The following DHRSX variants were observed in gnomAD, a reference collection of about 807,000 sequenced individuals.
DHRSX encodes the protein polyprenol dehydrogenase.
A neutral mutation model predicts 34.0 loss-of-function variants in DHRSX; 31 were observed. That is an observed-to-expected ratio of 0.91 (90% CI 0.69 to 1.23). The LOEUF is 1.23. DHRSX is among the 50% of genes most tolerant of loss of function. The pLI is 0.00. For missense variants in DHRSX, 414 were observed against 428.1 expected, an observed-to-expected ratio of 0.97 and a Z score of 0.29; for synonymous variants, 201 against 183.8, an observed-to-expected ratio of 1.09 and a Z score of -0.76.
At chrX:2,297,912 C>T (rs899938435) in intron 3 of DHRSX, among the ~76,000 whole-genome samples, 1 of 152,124 alleles carries the variant, frequency 6.6e-6, no homozygotes, top group South Asian at 2.1e-4. Context: ...CCCGCCACCA[C>T]GCCCGGCTTA....
At chrX:2,459,982 A>C (rs1214616753) in intron 1 of DHRSX, among the ~76,000 whole-genome samples, 1 of 151,866 alleles carries the variant, frequency 6.6e-6, no homozygotes, top group African/African-American at 2.4e-5. Flanking sequence ...GTGGCGGGCG[A>C]CTGTAATCCC....
At chrX:2,425,107 T>A (rs2043825920) in intron 2 of DHRSX, 90 bp downstream of exon 2, 5 of 992,092 alleles carry the variant, frequency 5.0e-6, no homozygotes, top group Non-Finnish European at 1.6e-6. Context: ...ACCACTGCAG[T>A]CCAGCACGGG....
At chrX:2,336,958 C>T (rs759218228) in intron 3 of DHRSX, among the ~76,000 whole-genome samples, 2 of 152,156 alleles carry the variant, frequency 1.3e-5, no homozygotes, top group South Asian at 2.1e-4. Flanking sequence ...CCCATCAACC[C>T]GTCATCTAGG....
intron 3 of DHRSX, among the ~76,000 whole-genome samples, chrX:2,395,973 C>T (rs1444505475): frequency 6.6e-6 from 1 of 152,174 alleles, no homozygotes; most frequent in Admixed American, 6.5e-5. Context: ...TCATCCTCTA[C>T]TGGCTCTGGA....
chrX:2,314,207 AGGGAGGGAAGG>A, intron 3 of DHRSX, among the ~76,000 whole-genome samples: 1 of 14,156 alleles, frequency 7.1e-5, no homozygotes, highest in African/African-American at 5.2e-4. Flanking sequence ...GAAGGAAGAG[AGGGAGGGAAGG>A]AGGGAAGGAA....
intron 3 of DHRSX, among the ~76,000 whole-genome samples, chrX:2,299,014 A>AAT (rs1191716751): frequency 0.14 from 18,460 of 130,814 alleles, 2,455 homozygotes; most frequent in Non-Finnish European, 0.18. Flanking sequence ...AAAAAAAAAA[A>AAT]TGGGAAAAAT....
intron 3 of DHRSX, among the ~76,000 whole-genome samples, chrX:2,312,580 G>A (rs1448974171): frequency 6.6e-6 from 1 of 152,128 alleles, no homozygotes; most frequent in East Asian, 1.9e-4. Flanking sequence ...TTCGGGGACT[G>A]GGGGACTAGG....
intron 3 of DHRSX, among the ~76,000 whole-genome samples, chrX:2,371,387 CAGTCCCCCCTTCTCACATTACCAT>C (rs2043062288): frequency 6.7e-6 from 1 of 149,228 alleles, no homozygotes; most frequent in South Asian, 2.1e-4. Context: ...TCCGTTACCA[CAGTCCCCCCTTCTCACATTACCAT>C]AGTCCCTCCT....
At chrX:2,371,252 C>CCCA (rs2043056716) in intron 3 of DHRSX, among the ~76,000 whole-genome samples, 1 of 146,552 alleles carries the variant, frequency 6.8e-6, no homozygotes, top group African/African-American at 2.6e-5. Context: ...ATAGTCCCTC[C>CCCA]TCCATTACCA....
chrX:2,400,553 G>A (rs1024581105), intron 3 of DHRSX, among the ~76,000 whole-genome samples: 18 of 152,096 alleles, frequency 1.2e-4, no homozygotes, highest in Non-Finnish European at 2.4e-4. Context: ...AGATTGTCTC[G>A]GGAGCCACTG....
chrX:2,447,295 A>T lies in DHRSX; in HGVS notation c.110-21991T>A, dbSNP rs1423001401. 3.9e-5 allele frequency among the ~76,000 whole-genome samples: 6 copies of T among 152,188 alleles called. No individual in the cohort carries two copies. In the East Asian group the frequency reaches 1.2e-3, roughly 29 times the overall value. ...GCCAAGGGACTGCCACCGTGTACACACTGAAGACATTCACTAAGAATGTGG... is the reference window on the plus strand; with the variant it reads ...GCCAAGGGACTGCCACCGTGTACACTCTGAAGACATTCACTAAGAATGTGG... On this transcript the variant is annotated intron_variant, in intron 1 of 6. Coordinates refer to ENST00000334651, the MANE Select transcript of DHRSX (RefSeq NM_145177.3).
chrX:2,367,189 C>T (rs938722439), intron 3 of DHRSX, among the ~76,000 whole-genome samples: 1 of 152,054 alleles, frequency 6.6e-6, no homozygotes, highest in African/African-American at 2.4e-5. Flanking sequence ...CCTATAATCC[C>T]AGCACTTTGG....
At chrX:2,296,393 T>C (rs975247843) in intron 3 of DHRSX, among the ~76,000 whole-genome samples, 6 of 151,684 alleles carry the variant, frequency 4.0e-5, no homozygotes, top group Admixed American at 6.6e-5. Flanking sequence ...GGGAGAAAGG[T>C]GAAGTGAAAA....
chrX:2,405,172 G>T (rs1450845456), intron 3 of DHRSX, among the ~76,000 whole-genome samples: 1 of 152,138 alleles, frequency 6.6e-6, no homozygotes, highest in Non-Finnish European at 1.5e-5. Flanking sequence ...TCTGTGTAGC[G>T]TTCATTTCAC....
intron 6 of DHRSX, among the ~76,000 whole-genome samples, chrX:2,231,748 A>C (rs2015890626): frequency 1.6e-5 from 2 of 125,662 alleles, no homozygotes; most frequent in Admixed American, 8.4e-5. Flanking sequence ...TTCCTCCTCC[A>C]CCTCGTCCTC....
rs34897653 is a variant in DHRSX, at chrX:2,410,563, A to AT, written c.218-1751dup. Among the ~76,000 whole-genome samples, 284 of 152,318 alleles carry AT rather than the reference A, an allele frequency of 1.9e-3. 2 individuals are homozygous for AT. In the East Asian group the frequency reaches 0.032, roughly 17 times the overall value. On this transcript the variant is annotated intron_variant, in intron 2 of 6. Transcript: ENST00000334651. ...CCTGAATACTGAGTCAACACGGCGT[A>AT]TTGAATTTACACACTCTAACACAAG...
At chrX:2,246,257 A>G (rs983724788) in intron 5 of DHRSX, among the ~76,000 whole-genome samples, 1 of 152,228 alleles carries the variant, frequency 6.6e-6, no homozygotes, top group Non-Finnish European at 1.5e-5. Flanking sequence ...GACATCCGTC[A>G]TCATATGCGT....
chrX:2,445,702 C>A (rs2044122818), intron 1 of DHRSX, among the ~76,000 whole-genome samples: 1 of 151,128 alleles, frequency 6.6e-6, no homozygotes. Context: ...AGGGACCACC[C>A]TGAAGACGTT....
chrX:2,459,965 G>T (rs762542373), intron 1 of DHRSX, among the ~76,000 whole-genome samples: 1 of 151,960 alleles, frequency 6.6e-6, no homozygotes, highest in Non-Finnish European at 1.5e-5. Context: ...AAAATTAGCC[G>T]GGTGTGGTGG....
Sources: gnomAD v4.1 joint callset for allele counts (sites outside exome capture counted in the v4.1 genomes callset) on GRCh38, gnomAD v4.1.1 for gene constraint, MANE v1.5 for transcripts, NCBI Gene and HGNC (gene_info 2026-07-23, HGNC 2026-07-21) for gene names.